The following ARK2C variants were observed in gnomAD, a reference collection of about 807,000 sequenced individuals.
ARK2C encodes E3 ubiquitin-protein ligase ARK2C.
At chr18:46,429,304 A>G in the ARK2C span, among the ~76,000 whole-genome samples, 1 of 152,236 alleles carries the variant, frequency 6.6e-6, no homozygotes, top group Non-Finnish European at 1.5e-5. Context: ...TGAATAGACT[A>G]GCATAAGACA....
the ARK2C span, among the ~76,000 whole-genome samples, chr18:46,425,935 C>T: frequency 6.6e-6 from 1 of 152,164 alleles, no homozygotes; most frequent in African/African-American, 2.4e-5. Context: ...AAGGGTCCGC[C>T]TCCTCATAGA....
At chr18:46,433,149 G>C in the ARK2C span, 4 of 1,490,978 alleles carry the variant, frequency 2.7e-6, no homozygotes, top group Middle Eastern at 1.8e-4. Flanking sequence ...GCGGCCGCTC[G>C]TGCTGGTCGT....
the ARK2C span, among the ~76,000 whole-genome samples, chr18:46,356,262 A>G: frequency 6.6e-6 from 1 of 152,234 alleles, no homozygotes; most frequent in Non-Finnish European, 1.5e-5. Flanking sequence ...AGGATGCAGC[A>G]TTGAACAATC....
At chr18:46,461,148 G>A in the ARK2C span, 1 of 152,286 alleles carries the variant, frequency 6.6e-6, no homozygotes, top group African/African-American at 2.4e-5. Context: ...GGAGCCGGGA[G>A]GCTCAGGTTT....
the ARK2C span, among the ~76,000 whole-genome samples, chr18:46,404,757 C>T: frequency 6.6e-6 from 1 of 151,074 alleles, no homozygotes; most frequent in Non-Finnish European, 1.5e-5. Flanking sequence ...CATCTCAAAA[C>T]ACACACACAC....
the ARK2C span, among the ~76,000 whole-genome samples, chr18:46,355,237 G>A: frequency 6.6e-6 from 1 of 152,070 alleles, no homozygotes; most frequent in African/African-American, 2.4e-5. Flanking sequence ...ACAAGCATGA[G>A]CCACCGGGCC....
the ARK2C span, among the ~76,000 whole-genome samples, chr18:46,394,990 G>T: frequency 6.6e-6 from 1 of 152,212 alleles, no homozygotes; most frequent in Admixed American, 6.5e-5. Flanking sequence ...GCCTCATGTA[G>T]CCTGTGGAGA....
the ARK2C span, among the ~76,000 whole-genome samples, chr18:46,399,528 A>C: frequency 1.3e-5 from 2 of 152,198 alleles, no homozygotes; most frequent in East Asian, 3.9e-4. Context: ...AGTGGAGAAC[A>C]GAGTCAGGGG....
the ARK2C span, among the ~76,000 whole-genome samples, chr18:46,396,025 G>A: frequency 6.6e-6 from 1 of 152,214 alleles, no homozygotes; most frequent in South Asian, 2.1e-4. Flanking sequence ...GTTCTGTGTG[G>A]TCTCTCATGG....
chr18:46,404,018 C>A, the ARK2C span, among the ~76,000 whole-genome samples: 1 of 152,210 alleles, frequency 6.6e-6, no homozygotes, highest in Non-Finnish European at 1.5e-5. Context: ...CTCTTTCCCC[C>A]CTTTCTCTTT....
the ARK2C span, among the ~76,000 whole-genome samples, chr18:46,406,678 G>A: frequency 6.6e-6 from 1 of 152,236 alleles, no homozygotes; most frequent in African/African-American, 2.4e-5. Context: ...TTTGACCACA[G>A]AGGGATCACA....
chr18:46,442,989 T>A, the ARK2C span, among the ~76,000 whole-genome samples: 1 of 152,136 alleles, frequency 6.6e-6, no homozygotes, highest in South Asian at 2.1e-4. Flanking sequence ...ACTTACGGGG[T>A]ATATCTCTTT....
the ARK2C span, among the ~76,000 whole-genome samples, chr18:46,363,405 C>T: frequency 3.3e-5 from 5 of 152,356 alleles, no homozygotes; most frequent in South Asian, 6.2e-4. Context: ...CAGAGCTCCT[C>T]TTTTTTGCAG....
At chr18:46,452,113 T>C in the ARK2C span, among the ~76,000 whole-genome samples, 1 of 152,178 alleles carries the variant, frequency 6.6e-6, no homozygotes, top group Non-Finnish European at 1.5e-5. Context: ...GATAGAATGG[T>C]GCAACACAGA....
At chr18:46,352,264 T>C in the ARK2C span, among the ~76,000 whole-genome samples, 1 of 152,186 alleles carries the variant, frequency 6.6e-6, no homozygotes, top group African/African-American at 2.4e-5. Flanking sequence ...GCAGCCAGTA[T>C]GGACTCCATC....
the ARK2C span, among the ~76,000 whole-genome samples, chr18:46,392,242 A>G: frequency 6.6e-6 from 1 of 152,080 alleles, no homozygotes; most frequent in African/African-American, 2.4e-5. Context: ...TCACCTGGTC[A>G]CCTTACCTGG....
chr18:46,445,951 C>G, the ARK2C span, among the ~76,000 whole-genome samples: 1 of 150,856 alleles, frequency 6.6e-6, no homozygotes, highest in African/African-American at 2.4e-5. Context: ...GGCTGTTTTT[C>G]CTGTAGTTTC....
At chr18:46,385,418 G>A in the ARK2C span, among the ~76,000 whole-genome samples, 1 of 152,170 alleles carries the variant, frequency 6.6e-6, no homozygotes, top group Admixed American at 6.5e-5. Context: ...ATGTGTGCAG[G>A]GAGGGATTCT....
chr18:46,394,138 C>T, the ARK2C span, among the ~76,000 whole-genome samples: 2 of 152,288 alleles, frequency 1.3e-5, no homozygotes, highest in Middle Eastern at 3.4e-3. Flanking sequence ...ATGCAAGTGA[C>T]TAGGGATGAT....
Sources: allele counts gnomAD v4.1 joint callset (sites outside exome capture counted in the v4.1 genomes callset), GRCh38; gene constraint gnomAD v4.1.1; transcripts MANE v1.5; gene names NCBI Gene and HGNC (gene_info 2026-07-23, HGNC 2026-07-21).